Variants in LAMA2 observed in about 807,000 individuals in gnomAD.
LAMA2 encodes laminin subunit alpha 2, also known as laminin subunit alpha-2.
A neutral mutation model predicts 364.8 loss-of-function variants in LAMA2; 269 were observed. That is an observed-to-expected ratio of 0.74 (90% CI 0.67 to 0.82). LAMA2 has a LOEUF of 0.82. Ranked by LOEUF, LAMA2 falls within the 40% of genes least tolerant of loss-of-function variation. The pLI, the probability that LAMA2 is intolerant of heterozygous loss-of-function variation, is 0.00. For synonymous variants in LAMA2, 1,379 were observed against 1,370.6 expected, an observed-to-expected ratio of 1.01 and a Z score of -0.14; for missense variants, 3,807 against 3,873.2, an observed-to-expected ratio of 0.98 and a Z score of 0.45.
In LAMA2 at chr6:129,227,025, C is replaced by T. The variant is rs141530552; in HGVS notation, c.1783-23087C>T. On this transcript the variant is annotated intron_variant, in intron 12 of 64. Transcript: ENST00000421865. ...TCCCATATTTCTTGGAGGCTTTGTT[C>T]GTTTCCTTTTACTCTTTTTTCTCTA... Among the ~76,000 whole-genome samples the T allele has an allele frequency of 4.9e-3, 740 of 152,246 alleles. 8 individuals carry two copies. Among genetic ancestry groups the T allele is most frequent in the African/African-American group, 0.016 (652 of 41,562 alleles).
chr6:129,162,829 T>C lies in LAMA2; in HGVS notation c.1207-2747T>C, dbSNP rs186451000. 3.1e-4 allele frequency among the ~76,000 whole-genome samples: 47 copies of C among 152,208 alleles called. No homozygotes were observed. In the East Asian group the frequency reaches 8.3e-3, roughly 27 times the overall value. On this transcript the variant is annotated intron_variant, in intron 8 of 64. Coordinates refer to ENST00000421865, the MANE Select transcript of LAMA2 (RefSeq NM_000426.4). Reference sequence around the variant, plus strand: ...GTATGATCTGTAAGCAAAGGATGTTTTTACATTTGTAAAGGTTTGTTAAAA... The same window carrying C: ...GTATGATCTGTAAGCAAAGGATGTTCTTACATTTGTAAAGGTTTGTTAAAA...
chr6:129,132,075 G>T (rs906168755), intron 4 of LAMA2, among the ~76,000 whole-genome samples: 5 of 152,102 alleles, frequency 3.3e-5, no homozygotes, highest in African/African-American at 1.2e-4. Context: ...AAAAGTCAGG[G>T]GATGAGACTA....
At chr6:128,995,914 G>C (rs1783908798) in intron 1 of LAMA2, among the ~76,000 whole-genome samples, 1 of 152,078 alleles carries the variant, frequency 6.6e-6, no homozygotes, top group South Asian at 2.1e-4. Context: ...GTTTTTGACA[G>C]GTATATAGTC....
chr6:129,219,785 C>T (rs1783687511), intron 12 of LAMA2, among the ~76,000 whole-genome samples: 1 of 110,658 alleles, frequency 9.0e-6, no homozygotes, highest in Non-Finnish European at 1.7e-5. Flanking sequence ...AATGAGAACA[C>T]ATGGACACAG....
intron 1 of LAMA2, among the ~76,000 whole-genome samples, chr6:129,033,479 C>T (rs975240672): frequency 3.9e-5 from 6 of 152,180 alleles, no homozygotes; most frequent in African/African-American, 1.4e-4. Flanking sequence ...AATATAAGCT[C>T]ATGCTCCTAG....
chr6:129,124,011 G>A (rs1359235892), intron 4 of LAMA2, among the ~76,000 whole-genome samples: 1 of 152,164 alleles, frequency 6.6e-6, no homozygotes, highest in African/African-American at 2.4e-5. Flanking sequence ...AAACTCATTA[G>A]GTTGTATACA....
chr6:129,319,834 A>G (rs1774841488), intron 27 of LAMA2, among the ~76,000 whole-genome samples: 1 of 152,184 alleles, frequency 6.6e-6, no homozygotes, highest in South Asian at 2.1e-4. Flanking sequence ...AGAAAATGTT[A>G]TTAAGAAAGT....
Position 129,133,241 on chromosome 6 carries a change from C to G in LAMA2, c.640-10660C>G, listed in dbSNP as rs2127100. ...AAAAGATCAGAGAGGCCTACAGTTT[C>G]CTTTTACAGAGCTAGGCCAGGGGCT... On this transcript the variant is annotated intron_variant, in intron 4 of 64. Transcript: ENST00000421865. 0.014 allele frequency among the ~76,000 whole-genome samples: 2,141 copies of G among 152,250 alleles called. 214 individuals carry two copies. In the East Asian group the frequency reaches 0.29, roughly 20 times the overall value.
intron 14 of LAMA2, among the ~76,000 whole-genome samples, chr6:129,253,388 C>T (rs190932882): frequency 2.1e-3 from 326 of 152,250 alleles, no homozygotes; most frequent in South Asian, 4.6e-3. Context: ...TCATCATTTC[C>T]CTGTGCTGCC....
intron 29 of LAMA2, among the ~76,000 whole-genome samples, chr6:129,329,005 T>C (rs866069764): frequency 3.9e-5 from 6 of 152,220 alleles, no homozygotes; most frequent in African/African-American, 1.4e-4. Context: ...TATTTTTTTA[T>C]GTTTCTGCTG....
chr6:129,150,995 A>G (rs1202383210), intron 7 of LAMA2, among the ~76,000 whole-genome samples: 1 of 152,246 alleles, frequency 6.6e-6, no homozygotes, highest in African/African-American at 2.4e-5. Context: ...AGCATAGAAT[A>G]TTCATTCAGT....
chr6:129,308,807 C>G (rs962238765), intron 22 of LAMA2, among the ~76,000 whole-genome samples: 2 of 152,168 alleles, frequency 1.3e-5, no homozygotes, highest in Non-Finnish European at 2.9e-5. Context: ...AGCTTCCAGT[C>G]ATGATGGAAG....
intron 1 of LAMA2, among the ~76,000 whole-genome samples, chr6:128,892,206 CTATT>C (rs1364681133): frequency 1.3e-5 from 2 of 151,974 alleles, no homozygotes; most frequent in Admixed American, 6.5e-5. Flanking sequence ...AGATGGCAAA[CTATT>C]TATCTCATTG....
At chr6:129,203,822 A>T (rs576915900) in intron 12 of LAMA2, among the ~76,000 whole-genome samples, 233 of 152,236 alleles carry the variant, frequency 1.5e-3, no homozygotes, top group African/African-American at 5.4e-3. Context: ...TCTTGGACAT[A>T]TCCCTTAATC....
intron 4 of LAMA2, among the ~76,000 whole-genome samples, chr6:129,106,175 G>C (rs188053003): frequency 2.0e-5 from 3 of 149,172 alleles, no homozygotes; most frequent in East Asian, 3.9e-4. Flanking sequence ...TTTGTAAACT[G>C]TATGTAGAGC....
intron 34 of LAMA2, among the ~76,000 whole-genome samples, chr6:129,375,650 A>T (rs1778329429): frequency 1.3e-5 from 2 of 152,096 alleles, no homozygotes; most frequent in African/African-American, 4.8e-5. Flanking sequence ...ATCCCTTCAA[A>T]GTCGGTGTTC....
At chr6:129,356,264 G>A (rs1777148006) in intron 32 of LAMA2, among the ~76,000 whole-genome samples, 1 of 152,106 alleles carries the variant, frequency 6.6e-6, no homozygotes, top group South Asian at 2.1e-4. Context: ...CATAGTTAGT[G>A]ACCTAAATTC....
At chr6:129,339,244 A>G (rs1264573068) in intron 29 of LAMA2, among the ~76,000 whole-genome samples, 1 of 152,204 alleles carries the variant, frequency 6.6e-6, no homozygotes, top group Non-Finnish European at 1.5e-5. Context: ...AGAAACAGAG[A>G]GTAATAGACT....
rs534774709 is a variant in LAMA2 at position 129,338,287 on chromosome 6, C to T, written c.4312-4056C>T. Among the ~76,000 whole-genome samples the T allele has an allele frequency of 4.6e-5, 7 of 152,068 alleles. No homozygotes were observed. The South Asian group carries it at 1.5e-3, about 32-fold the overall frequency. On this transcript the variant is annotated intron_variant, in intron 29 of 64. Coordinates refer to ENST00000421865, the MANE Select transcript of LAMA2 (RefSeq NM_000426.4). ...AGGCTGAAAATTATTGTTGAAGATC[C>T]CATGTATTTTTGGCACATTCATCTC...
Sources: gnomAD v4.1 joint callset for allele counts (sites outside exome capture counted in the v4.1 genomes callset) on GRCh38, gnomAD v4.1.1 for gene constraint, MANE v1.5 for transcripts, NCBI Gene and HGNC (gene_info 2026-07-23, HGNC 2026-07-21) for gene names.